CEP128: variants seen among roughly 807,000 people sequenced by gnomAD.
CEP128 encodes the protein centrosomal protein 128kDa.
Under a neutral mutation model 156.7 loss-of-function variants are expected in CEP128, and 132 were observed. The observed-to-expected ratio is 0.84, with a 90% confidence interval of 0.73 to 0.97. The LOEUF (loss-of-function observed/expected upper bound fraction) is 0.97, where lower values mean the gene tolerates loss of function less well. Ranked by LOEUF, CEP128 falls within the 50% of genes least tolerant of loss-of-function variation. The pLI, the probability that CEP128 is intolerant of heterozygous loss-of-function variation, is 0.00. For synonymous variants in CEP128, 469 were observed against 448.9 expected, an observed-to-expected ratio of 1.04 and a Z score of -0.57; for missense variants, 1,252 against 1,281.9, an observed-to-expected ratio of 0.98 and a Z score of 0.36.
intron 16 of CEP128, among the ~76,000 whole-genome samples, chr14:80,776,249 A>T (rs1010391835): frequency 2.6e-5 from 4 of 152,150 alleles, no homozygotes; most frequent in Admixed American, 2.6e-4. Context: ...TTAGAATTTT[A>T]TTTTGAAAAA....
At chr14:80,539,874 C>T (rs112404043) in intron 21 of CEP128, among the ~76,000 whole-genome samples, 8 of 151,936 alleles carry the variant, frequency 5.3e-5, no homozygotes, top group Non-Finnish European at 1.0e-4. Context: ...GAATGTCTGT[C>T]TTATGTGGTT....
In CEP128 at chr14:80,497,514, T is replaced by C; in HGVS notation, c.3250A>G (p.Ser1084Gly). Residue 1084 changes from serine to glycine, a missense_variant, in exon 25 of 25, where the codon AGT (serine) becomes GGT (glycine). Coordinates refer to ENST00000555265, the MANE Select transcript of CEP128 (RefSeq NM_152446.5). ...TATTCCTCTTTTTTGGGTTGTGAAC[T>C]TGTTCCATTCATTGTGGCATCTTCC... ...NKEDATMNGT[S>G]SQPKKEEYGS The C allele has an allele frequency of 1.2e-6, 2 of 1,613,418 alleles. No individual in the cohort carries two copies. The highest frequency in any genetic ancestry group is 1.7e-6 in the Non-Finnish European group (2 of 1,179,570).
intron 17 of CEP128, among the ~76,000 whole-genome samples, chr14:80,759,540 T>C (rs1899847602): frequency 6.6e-6 from 1 of 152,178 alleles, no homozygotes; most frequent in Non-Finnish European, 1.5e-5. Context: ...CATTCCATTT[T>C]TCTTTCCCAG....
chr14:80,888,245 T>C (rs1048941103), intron 8 of CEP128, among the ~76,000 whole-genome samples: 2 of 151,988 alleles, frequency 1.3e-5, no homozygotes, highest in Admixed American at 6.6e-5. Flanking sequence ...TTCCAAACAA[T>C]AGAAAAAAGG....
chr14:80,631,835 T>C (rs1034381972), intron 19 of CEP128, among the ~76,000 whole-genome samples: 2 of 152,224 alleles, frequency 1.3e-5, no homozygotes, highest in South Asian at 2.1e-4. Context: ...GACCTCACCA[T>C]ATTAAGGACA....
intron 21 of CEP128, among the ~76,000 whole-genome samples, chr14:80,553,472 T>C (rs1311730461): frequency 6.6e-6 from 1 of 152,216 alleles, no homozygotes; most frequent in Non-Finnish European, 1.5e-5. Context: ...CGTATTTCCG[T>C]TTCTGGGTTC....
intron 19 of CEP128, among the ~76,000 whole-genome samples, chr14:80,640,022 G>A (rs1263849920): frequency 6.6e-6 from 1 of 152,066 alleles, no homozygotes; most frequent in Non-Finnish European, 1.5e-5. Flanking sequence ...ACAAAGCATT[G>A]TCTCAAACTT....
In CEP128 at chr14:80,673,415, G is replaced by A. The variant is rs184664629; in HGVS notation, c.2806+69660C>T. The stretch of plus-strand genomic sequence containing the variant: ...TCCCAGCACTTTGGGAGGCCGAGGC[G>A]GGCGGATCACGAGGTCAGGAGATCG... On this transcript the variant is annotated intron_variant, in intron 19 of 24. Transcript: ENST00000555265. Among the ~76,000 whole-genome samples, 204 of 151,354 alleles carry A rather than the reference G, an allele frequency of 1.3e-3. 1 individual carries two copies. The highest frequency in any genetic ancestry group is 4.6e-3 in the African/African-American group (190 of 41,318).
chr14:80,880,680 C>G (rs1000854280), intron 8 of CEP128, among the ~76,000 whole-genome samples: 1 of 133,294 alleles, frequency 7.5e-6, no homozygotes, highest in African/African-American at 2.9e-5. Flanking sequence ...CACAGTGAAA[C>G]CCCCTCTCTA....
intron 18 of CEP128, among the ~76,000 whole-genome samples, chr14:80,751,195 T>C (rs957548998): frequency 1.3e-5 from 2 of 152,250 alleles, no homozygotes; most frequent in Non-Finnish European, 2.9e-5. Flanking sequence ...CAGATTAATA[T>C]AATATGACCT....
At chr14:80,770,971 G>A (rs1266841927) in intron 16 of CEP128, among the ~76,000 whole-genome samples, 1 of 152,140 alleles carries the variant, frequency 6.6e-6, no homozygotes, top group African/African-American at 2.4e-5. Flanking sequence ...TTGCAAAGTA[G>A]TGAATACTTC....
intron 19 of CEP128, among the ~76,000 whole-genome samples, chr14:80,724,646 A>G (rs1293037228): frequency 6.6e-6 from 1 of 152,050 alleles, no homozygotes; most frequent in Non-Finnish European, 1.5e-5. Context: ...AAGATATCCA[A>G]TAATAATTTA....
chr14:80,601,072 TA>T (rs886927052), intron 19 of CEP128, among the ~76,000 whole-genome samples: 4 of 148,394 alleles, frequency 2.7e-5, no homozygotes, highest in Non-Finnish European at 6.0e-5. Flanking sequence ...AACTCAAAAA[TA>T]AAAAAAAAGA....
intron 19 of CEP128, among the ~76,000 whole-genome samples, chr14:80,656,048 T>C (rs1298949673): frequency 1.3e-5 from 2 of 151,650 alleles, no homozygotes; most frequent in Non-Finnish European, 2.9e-5. Context: ...ATGTTGCATA[T>C]TGTTGCTCCT....
chr14:80,901,236 G>T (rs1337982983), intron 6 of CEP128, among the ~76,000 whole-genome samples: 1 of 151,894 alleles, frequency 6.6e-6, no homozygotes, highest in Non-Finnish European at 1.5e-5. Context: ...GAGGCTTGGG[G>T]GTATGATAAT....
intron 8 of CEP128, among the ~76,000 whole-genome samples, chr14:80,892,223 T>C (rs115353149): frequency 6.2e-4 from 94 of 151,958 alleles, no homozygotes; most frequent in African/African-American, 2.1e-3. Flanking sequence ...CATACACCAA[T>C]AGAACAGAAC....
chr14:80,491,216 G>A (rs7144280), intron 6 of CEP128, among the ~76,000 whole-genome samples: 119,074 of 152,084 alleles, frequency 0.78, 48,901 homozygotes, highest in Middle Eastern at 0.9. Context: ...GACTTCTCCA[G>A]TGGAAAAAAA....
Position 80,869,466 on chromosome 14 carries a change from A to G in CEP128, c.646-6593T>C, listed in dbSNP as rs1176864472. ...ATGCAAAAAAGCAGTTCTAAGAGGG[A>G]GTTTTATGGCAATAAATGCCTACAT... is the stretch of plus-strand genomic sequence containing the variant. On this transcript the variant is annotated intron_variant, in intron 8 of 24. Coordinates refer to ENST00000555265, the MANE Select transcript of CEP128 (RefSeq NM_152446.5). 3.9e-5 allele frequency among the ~76,000 whole-genome samples: 6 copies of G among 152,146 alleles called. No homozygotes were observed. In the East Asian group the frequency reaches 1.2e-3, roughly 29 times the overall value.
At chr14:80,482,988 C>T (rs1216197705) in intron 14 of CEP128, among the ~76,000 whole-genome samples, 1 of 152,168 alleles carries the variant, frequency 6.6e-6, no homozygotes, top group Non-Finnish European at 1.5e-5. Flanking sequence ...TCGGCTTGTA[C>T]ATTAGCCAAA....
Sources: allele counts gnomAD v4.1 joint callset (sites outside exome capture counted in the v4.1 genomes callset), GRCh38; gene constraint gnomAD v4.1.1; transcripts MANE v1.5; gene names NCBI Gene and HGNC (gene_info 2026-07-23, HGNC 2026-07-21).